Variants in DMD observed in about 807,000 individuals in gnomAD.
DMD encodes mutant dystrophin.
Under a neutral mutation model 330.1 loss-of-function variants are expected in DMD, and 63 were observed. The observed-to-expected ratio is 0.19, with a 90% CI of 0.16 to 0.24. The LOEUF (loss-of-function observed/expected upper bound fraction) is 0.24, where lower values mean the gene tolerates loss of function less well. Ranked by LOEUF, DMD falls within the 10% of genes least tolerant of loss-of-function variation. DMD has a pLI of 1.00. For missense variants in DMD, 3,344 were observed against 2,684.1 expected, an observed-to-expected ratio of 1.25 and a Z score of -5.43; for synonymous variants, 1,223 against 959.8, an observed-to-expected ratio of 1.27 and a Z score of -5.07.
At chrX:32,618,788 A>T (rs764435332) in intron 11 of DMD, among the ~76,000 whole-genome samples, 1 of 111,614 alleles carries the variant, frequency 9.0e-6, no homozygotes, top group East Asian at 2.8e-4. Context: ...ATTTAGGAAA[A>T]AGGCATGTAT....
chrX:32,970,024 C>T (rs1164801852), intron 2 of DMD, among the ~76,000 whole-genome samples: 1 of 94,867 alleles, frequency 1.1e-5, no homozygotes. Context: ...AGAGTCTGGG[C>T]TTGTGTTACT....
chrX:31,652,366 A>C (rs1213315896), intron 54 of DMD, among the ~76,000 whole-genome samples: 1 of 111,642 alleles, frequency 9.0e-6, no homozygotes, highest in Non-Finnish European at 1.9e-5. Context: ...TTATTTGTCA[A>C]TGTCTGTCTT....
intron 9 of DMD, among the ~76,000 whole-genome samples, chrX:32,695,129 G>A (rs1176300470): frequency 1.8e-5 from 2 of 112,380 alleles, no homozygotes; most frequent in African/African-American, 3.2e-5. Context: ...ATAATCAAAT[G>A]TATGAATACT....
intron 50 of DMD, among the ~76,000 whole-genome samples, chrX:31,815,102 G>GT (rs769018354): frequency 8.9e-6 from 1 of 112,232 alleles, no homozygotes; most frequent in Non-Finnish European, 1.9e-5. Flanking sequence ...TATGTCTGTG[G>GT]TAGTAGTTCT....
At chrX:31,141,470 A>C (rs1417580103) in intron 76 of DMD, among the ~76,000 whole-genome samples, 2 of 112,064 alleles carry the variant, frequency 1.8e-5, no homozygotes, top group Non-Finnish European at 3.8e-5. Flanking sequence ...AGAGAGACCA[A>C]AGGCAGAGGA....
chrX:32,162,669 G>C (rs1419641323), intron 44 of DMD, among the ~76,000 whole-genome samples: 1 of 88,061 alleles, frequency 1.1e-5, no homozygotes, highest in East Asian at 3.7e-4. Context: ...GCACAATCTT[G>C]GCTCAATTCT....
In DMD at chrX:32,394,922, A is replaced by AAAAAAAAAAC. The variant is rs1557326758; in HGVS notation, c.4234-4742_4234-4741insGTTTTTTTTT. On this transcript the variant is annotated intron_variant, in intron 30 of 78. Coordinates refer to ENST00000357033, the MANE Select transcript of DMD (RefSeq NM_004006.3). Reference sequence around the variant, plus strand: ...AGAGCAAAAAACAAAAAAACAAAAAAAAAAAAAAAAAGAAAAGAAATCATC... The same window carrying AAAAAAAAAAC: ...AGAGCAAAAAACAAAAAAACAAAAAAAAAAAAAAACAAAAAAAAAAAGAAAAGAAATCATC... Among the ~76,000 whole-genome samples the AAAAAAAAAAC allele has an allele frequency of 5.8e-3, 129 of 22,277 alleles. 2 individuals carry two copies. Among genetic ancestry groups the AAAAAAAAAAC allele is most frequent in the African/African-American group, 0.017 (125 of 7,404 alleles). 19.3% of individuals were successfully genotyped at this position (22,277 alleles called of 115,157 possible). A position where few individuals can be genotyped will look rare whatever the true frequency, so the allele number is the denominator to read the frequency against.
intron 55 of DMD, among the ~76,000 whole-genome samples, chrX:31,577,856 A>C (rs6631344): frequency 0.066 from 7,408 of 111,563 alleles, 204 homozygotes; most frequent in African/African-American, 0.1. Flanking sequence ...TGTGAGAGTT[A>C]CAACTTATCT....
At chrX:32,687,107 C>A in intron 9 of DMD, among the ~76,000 whole-genome samples, 1 of 111,889 alleles carries the variant, frequency 8.9e-6, no homozygotes, top group African/African-American at 3.2e-5. Flanking sequence ...ATTAAGTGGC[C>A]ATTTCGGCTC....
chrX:32,519,808 G>A (rs1013430600), intron 17 of DMD, among the ~76,000 whole-genome samples: 13 of 111,824 alleles, frequency 1.2e-4, no homozygotes, highest in African/African-American at 3.6e-4. Context: ...TTTGTTGCAG[G>A]CTATTGTTTA....
intron 9 of DMD, among the ~76,000 whole-genome samples, chrX:32,659,734 G>C (rs772487491): frequency 9.0e-6 from 1 of 110,587 alleles, no homozygotes; most frequent in South Asian, 3.8e-4. Context: ...ATTAGACCAA[G>C]GCATCTTTCC....
At chrX:32,845,573 T>C (rs1426122127) in intron 3 of DMD, among the ~76,000 whole-genome samples, 6 of 111,867 alleles carry the variant, frequency 5.4e-5, no homozygotes, top group African/African-American at 1.9e-4. Context: ...CCTCTTTCCC[T>C]TCTCCACTCA....
intron 21 of DMD, among the ~76,000 whole-genome samples, chrX:32,474,214 CACACACA>C (rs1372465249): frequency 3.0e-5 from 1 of 33,134 alleles, no homozygotes. Context: ...TACATACACA[CACACACA>C]CACACACACA....
chrX:32,144,652 T>G (rs1405686579), intron 44 of DMD, among the ~76,000 whole-genome samples: 1 of 112,083 alleles, frequency 8.9e-6, no homozygotes, highest in South Asian at 3.7e-4. Context: ...CAATAATAAA[T>G]AAAATTGTCA....
rs181765573 is a variant in DMD at position 32,473,524 on chromosome X, G to A, written c.2804-1215C>T. 5.4e-5 allele frequency among the ~76,000 whole-genome samples: 6 copies of A among 111,572 alleles called. 1 individual carries two copies. The highest frequency in any genetic ancestry group is 1.3e-4 in the African/African-American group (4 of 30,763). On this transcript the variant is annotated intron_variant, in intron 21 of 78. Transcript: ENST00000357033. ...TTATTTTAATTGCTGGGATATGAAT[G>A]TCATTTCAATATACCAATTCCTTCT...
chrX:33,061,981 T>C (rs926106843), intron 1 of DMD, among the ~76,000 whole-genome samples: 2 of 112,266 alleles, frequency 1.8e-5, no homozygotes, highest in Non-Finnish European at 3.8e-5. Context: ...CAAAAATTAT[T>C]CGCTACACTT....
chrX:32,702,031 G>A (rs969536067), intron 7 of DMD, among the ~76,000 whole-genome samples: 3 of 111,643 alleles, frequency 2.7e-5, no homozygotes, highest in Admixed American at 9.6e-5. Flanking sequence ...TTGAAGAAAG[G>A]AATTTAGGTC....
In DMD at chrX:32,591,850, G is replaced by A. The variant is rs138289038; in HGVS notation, c.1602+3907C>T. ...CCCCTGCCTCCACATACTAAGAAGT[G>A]CCTGCTCCCACTCCCTGGCATCTCC... On this transcript the variant is annotated intron_variant, in intron 13 of 78. Transcript: ENST00000357033. Among the ~76,000 whole-genome samples, 393 of 113,123 alleles carry A rather than the reference G, an allele frequency of 3.5e-3. 8 individuals are homozygous for A. Among genetic ancestry groups the A allele is most frequent in the Admixed American group, 0.026 (279 of 10,776 alleles).
At chrX:33,025,159 ATATT>A (rs1402660507) in intron 1 of DMD, among the ~76,000 whole-genome samples, 4 of 112,395 alleles carry the variant, frequency 3.6e-5, no homozygotes, top group African/African-American at 9.7e-5. Flanking sequence ...GTTAGAAAAG[ATATT>A]TTGGAGAAGG....
Sources: allele counts gnomAD v4.1 joint callset (sites outside exome capture counted in the v4.1 genomes callset), GRCh38; gene constraint gnomAD v4.1.1; transcripts MANE v1.5; gene names NCBI Gene and HGNC (gene_info 2026-07-23, HGNC 2026-07-21).